The following TNFRSF10D variants were observed in gnomAD, a reference collection of about 807,000 sequenced individuals.
The protein encoded by TNFRSF10D is TNF receptor superfamily member 10d, also known as tumor necrosis factor receptor superfamily member 10D.
Under a neutral mutation model 42.1 loss-of-function variants are expected in TNFRSF10D, and 28 were observed. The observed-to-expected ratio is 0.66, with a 90% CI of 0.49 to 0.91. The LOEUF is 0.91. Ranked by LOEUF, TNFRSF10D falls within the 40% of genes least tolerant of loss-of-function variation. TNFRSF10D has a pLI of 0.00. For synonymous variants in TNFRSF10D, 186 were observed against 189.4 expected (o/e 0.98, Z 0.15); for missense variants, 503 against 486.1 (o/e 1.03, Z -0.33).
intron 2 of TNFRSF10D, among the ~76,000 whole-genome samples, chr8:23,152,011 T>A (rs1047555761): frequency 6.6e-6 from 1 of 152,248 alleles, no homozygotes; most frequent in East Asian, 1.9e-4. Context: ...GTTCATCTTG[T>A]ACATGTCCCT....
chr8:23,142,444 C>A (rs1380276576), intron 7 of TNFRSF10D, among the ~76,000 whole-genome samples: 1 of 152,152 alleles, frequency 6.6e-6, no homozygotes, highest in African/African-American at 2.4e-5. Flanking sequence ...ATATTGTTTG[C>A]AGCCACATGG....
intron 7 of TNFRSF10D, among the ~76,000 whole-genome samples, chr8:23,140,127 A>C (rs1042080693): frequency 3.3e-5 from 5 of 152,094 alleles, no homozygotes; most frequent in Non-Finnish European, 7.4e-5. Flanking sequence ...ACCTCTACTA[A>C]AAATACAAAA....
chr8:23,141,411 G>A (rs1254508878), intron 7 of TNFRSF10D, among the ~76,000 whole-genome samples: 645 of 151,398 alleles, frequency 4.3e-3, no homozygotes, highest in African/African-American at 0.013. Context: ...GGGCTGAGGA[G>A]GGAGAATCAC....
At chr8:23,160,289 C>T (rs1385631476) in intron 1 of TNFRSF10D, among the ~76,000 whole-genome samples, 2 of 152,144 alleles carry the variant, frequency 1.3e-5, no homozygotes, top group Non-Finnish European at 2.9e-5. Context: ...ATGAGGTGAG[C>T]GCAGTGGCGG....
intron 7 of TNFRSF10D, 133 bp downstream of exon 7, chr8:23,144,317 C>T: frequency 9.7e-7 from 1 of 1,026,346 alleles, no homozygotes; most frequent in Non-Finnish European, 1.4e-6. Context: ...TGCTCCGTCC[C>T]CTGCAGTCCC....
Position 23,144,630 on chromosome 8 carries a change from A to G in TNFRSF10D, c.774T>C (p.Leu258=), listed in dbSNP as rs148758492. 1.0e-3 allele frequency: 1,654 copies of G among 1,613,398 alleles called. No individual in the cohort carries two copies. Among genetic ancestry groups the G allele is most frequent in the Non-Finnish European group, 1.2e-3 (1,417 of 1,179,536 alleles). The stretch of plus-strand genomic sequence containing the variant: ...GTGAAGGACATGAACGCCGCCGGAA[A>G]AGGACCTTGGGAAGACAAAGAGCCC... ...GGGPERVHRV[L]FRRRSCPSRV... Residue 258 remains leucine (L), a synonymous_variant, in exon 7 of 9, where the codon CTT becomes CTC. Coordinates refer to ENST00000312584, the MANE Select transcript of TNFRSF10D (RefSeq NM_003840.5).
intron 1 of TNFRSF10D, among the ~76,000 whole-genome samples, chr8:23,158,827 CAA>C (rs1800318968): frequency 1.3e-5 from 2 of 152,056 alleles, no homozygotes; most frequent in African/African-American, 4.8e-5. Context: ...GGATATGAAA[CAA>C]AGTGTACATT....
intron 1 of TNFRSF10D, among the ~76,000 whole-genome samples, chr8:23,163,379 A>C (rs550399873): frequency 1.3e-5 from 2 of 152,128 alleles, no homozygotes; most frequent in Non-Finnish European, 2.9e-5. Context: ...CTGGGATTAC[A>C]GGCGTGAGCC....
Position 23,136,668 on chromosome 8 carries a change from T to A in TNFRSF10D, c.*1202A>T, listed in dbSNP as rs1814335952. On this transcript the variant is annotated 3_prime_UTR_variant, in exon 9 of 9. Coordinates refer to ENST00000312584, the MANE Select transcript of TNFRSF10D (RefSeq NM_003840.5). ...CTTAATTCTCACTGTCCTCATCTGCTGTGGACAAGTCGGAAGATGCAGTCC... is the reference window on the plus strand; with the variant it reads ...CTTAATTCTCACTGTCCTCATCTGCAGTGGACAAGTCGGAAGATGCAGTCC... 6.6e-6 allele frequency: 1 copy of A among 152,300 alleles called. No individual in the cohort carries two copies. Among genetic ancestry groups the A allele is most frequent in the African/African-American group, 2.4e-5 (1 of 41,454 alleles). 9.4% of individuals were successfully genotyped at this position (152,300 alleles called of 1,614,324 possible). A position where few individuals can be genotyped will look rare whatever the true frequency, so the allele number is the denominator to read the frequency against.
rs35108037 is a variant in TNFRSF10D, at chr8:23,148,066, C to CAAAAA, written c.370+367_370+371dup. ...GACAACAGAACGAGACTCCGTCTCCCAAAAAAAAAAAAAAAAAAAAAAAAT... is the reference window on the plus strand; with the variant it reads ...GACAACAGAACGAGACTCCGTCTCCCAAAAAAAAAAAAAAAAAAAAAAAAAAAAAT... On this transcript the variant is annotated intron_variant, in intron 3 of 8. Transcript: ENST00000312584. 2.8e-4 allele frequency among the ~76,000 whole-genome samples: 14 copies of CAAAAA among 49,492 alleles called. 1 individual carries two copies. Among genetic ancestry groups the CAAAAA allele is most frequent in the African/African-American group, 2.8e-4 (3 of 10,722 alleles). The allele number at this position is 49,492 out of a possible 152,430, so 32.5% of individuals were successfully genotyped here.
Position 23,163,787 on chromosome 8 carries a change from G to C in TNFRSF10D, c.149C>G (p.Pro50Arg), listed in dbSNP as rs891719852. ...CCAGGGACCGCGGCGGAGACTCACCGGCAGCAGAACCGCGACGATGAAGAC... is the reference window on the plus strand; with the variant it reads ...CCAGGGACCGCGGCGGAGACTCACCCGCAGCAGAACCGCGACGATGAAGAC... ...FVVFIVAVLL[P>R]VRVDSATIPR... The change falls in exon 1 of 9, where the codon CCG becomes CGG. Residue 50 changes from proline to arginine, a missense_variant and splice_region_variant. Physicochemically the swap from Pro to Arg is moderately radical, Grantham distance 103. Coordinates refer to ENST00000312584, the MANE Select transcript of TNFRSF10D (RefSeq NM_003840.5). 972 of 1,607,928 alleles carry C rather than the reference G, an allele frequency of 6.0e-4. No individual in the cohort carries two copies. The African/African-American group carries it at 0.011, about 18-fold the overall frequency.
chr8:23,156,991 T>C (rs756818409), intron 1 of TNFRSF10D, among the ~76,000 whole-genome samples: 5 of 152,046 alleles, frequency 3.3e-5, no homozygotes, highest in Non-Finnish European at 5.9e-5. Flanking sequence ...GGCCATAAAT[T>C]TCACATATTT....
chr8:23,158,284 C>G (rs925698887), intron 1 of TNFRSF10D, among the ~76,000 whole-genome samples: 4 of 152,152 alleles, frequency 2.6e-5, no homozygotes, highest in East Asian at 1.9e-4. Context: ...TGCTGTGGAC[C>G]CATACGGATT....
intron 2 of TNFRSF10D, among the ~76,000 whole-genome samples, chr8:23,151,142 A>G (rs1800207776): frequency 6.6e-6 from 1 of 152,256 alleles, no homozygotes; most frequent in Non-Finnish European, 1.5e-5. Flanking sequence ...AAAGGCAAAG[A>G]GAATTTTGAA....
chr8:23,160,338 C>T (rs1800348099), intron 1 of TNFRSF10D, among the ~76,000 whole-genome samples: 1 of 152,208 alleles, frequency 6.6e-6, no homozygotes, highest in Admixed American at 6.5e-5. Context: ...CAGGCTGTGG[C>T]ACAGGGAGGG....
At position 23,164,001 on chromosome 8, in the gene TNFRSF10D, G is replaced by C; in HGVS notation, c.-66C>G. On this transcript the variant is annotated 5_prime_UTR_variant, in exon 1 of 9. Transcript: ENST00000312584. ...CAGAAATCGTCCCCGTAGTTTGTGC[G>C]CGTGCAAAGGTTCTCGCAGCTACAC... 2.7e-6 allele frequency: 4 copies of C among 1,479,022 alleles called. No individual in the cohort carries two copies. Among genetic ancestry groups the C allele is most frequent in the South Asian group, 2.8e-5 (2 of 72,004 alleles). The allele number at this position is 1,479,022 out of a possible 1,614,324, so 91.6% of individuals were successfully genotyped here. A position where few individuals can be genotyped will look rare whatever the true frequency, so the allele number is the denominator to read the frequency against.
chr8:23,141,180 A>G (rs1814462082), intron 7 of TNFRSF10D, among the ~76,000 whole-genome samples: 1 of 152,180 alleles, frequency 6.6e-6, no homozygotes, highest in Non-Finnish European at 1.5e-5. Flanking sequence ...GTGGCATCTA[A>G]TTGAACTAAA....
At chr8:23,161,537 AC>A (rs1385739798) in intron 1 of TNFRSF10D, among the ~76,000 whole-genome samples, 1 of 152,116 alleles carries the variant, frequency 6.6e-6, no homozygotes, top group Non-Finnish European at 1.5e-5. Context: ...GCCCCAGCTG[AC>A]CACGGTTCTC....
chr8:23,155,821 CT>C (rs1800271220), intron 1 of TNFRSF10D, among the ~76,000 whole-genome samples: 9 of 151,394 alleles, frequency 5.9e-5, no homozygotes. Context: ...AATATTCTCT[CT>C]CTCTCTCTCT....
Sources: gnomAD v4.1 joint callset for allele counts (sites outside exome capture counted in the v4.1 genomes callset) on GRCh38, gnomAD v4.1.1 for gene constraint, MANE v1.5 for transcripts, NCBI Gene and HGNC (gene_info 2026-07-23, HGNC 2026-07-21) for gene names.